NSD2: variants seen among roughly 807,000 people sequenced by gnomAD.
NSD2 encodes the protein histone-lysine N-methyltransferase NSD2.
Under a neutral mutation model 139.0 loss-of-function variants are expected in NSD2, and 12 were observed. The ratio of observed to expected loss-of-function variants is 0.09; its 90% CI spans 0.06 to 0.14. The LOEUF (loss-of-function observed/expected upper bound fraction) is 0.14, where lower values mean the gene tolerates loss of function less well. NSD2 is among the 10% of genes least tolerant of loss of function. NSD2 has a pLI of 1.00. For missense variants in NSD2, 1,155 were observed against 1,745.0 expected (o/e 0.66, Z 6.02); for synonymous variants, 669 against 648.7 (o/e 1.03, Z -0.48).
intron 12 of NSD2, 55 bp downstream of exon 12, chr4:1,953,579 G>T: frequency 1.3e-6 from 2 of 1,521,496 alleles, no homozygotes; most frequent in South Asian, 1.3e-5. Flanking sequence ...CCAGACGCAG[G>T]CCCATGGGCG....
rs758998043 is a variant in NSD2 at position 1,930,611 on chromosome 4, C to T, written c.1411-15C>T. On this transcript the variant is annotated splice_polypyrimidine_tract_variant and intron_variant, in intron 5 of 21. Transcript: ENST00000508803. Reference sequence around the variant, plus strand: ...CGGATTTAACTTCTCATTGCACCTTCTCCCGTTCCCACAGGTGGTAGCTGA... The same window carrying T: ...CGGATTTAACTTCTCATTGCACCTTTTCCCGTTCCCACAGGTGGTAGCTGA... 4 of 1,591,948 alleles carry T rather than the reference C, an allele frequency of 2.5e-6. No individual in the cohort carries two copies. The highest frequency in any genetic ancestry group is 1.7e-4 in the Middle Eastern group (1 of 5,988).
At chr4:1,889,151 G>A (rs2108694086) in intron 1 of NSD2, among the ~76,000 whole-genome samples, 1 of 152,104 alleles carries the variant, frequency 6.6e-6, no homozygotes, top group South Asian at 2.1e-4. Context: ...ACCCGCTTTG[G>A]CCTCCCAAAG....
chr4:1,949,270 G>T (rs533089521), intron 9 of NSD2, among the ~76,000 whole-genome samples: 1 of 152,374 alleles, frequency 6.6e-6, no homozygotes, highest in Non-Finnish European at 1.5e-5. Context: ...CAGTGACAGA[G>T]CCTTAAAGTG....
intron 18 of NSD2, among the ~76,000 whole-genome samples, chr4:1,961,567 T>A (rs1261694902): frequency 4.6e-5 from 7 of 152,254 alleles, no homozygotes; most frequent in African/African-American, 1.7e-4. Flanking sequence ...TCGTTTTTGC[T>A]TGGTTGTTGC....
intron 15 of NSD2, 89 bp from the exon 16 acceptor site, chr4:1,957,844 A>C (rs1233159394): frequency 7.4e-6 from 9 of 1,222,624 alleles, no homozygotes; most frequent in Non-Finnish European, 1.0e-5. Flanking sequence ...TAACATTGAA[A>C]GTTTAGAGTG....
chr4:1,945,358 T>G, intron 9 of NSD2: 1 of 1,065,274 alleles, frequency 9.4e-7, no homozygotes, highest in Non-Finnish European at 1.1e-6. Context: ...GCTGCTCCTG[T>G]GCTGCCCTGG....
Position 1,955,434 on chromosome 4 carries a change from T to C in NSD2, c.2518+94T>C. On this transcript the variant is annotated intron_variant, in intron 13 of 21. Transcript: ENST00000508803. This position sits in a 1 kb window ranked among gnomAD's most constrained non-coding sequence, Gnocchi z 4.7. ...TCATTCCTTGTCTGCGCTGTGTTCA[T>C]TGATGTTGACAGTGTTCTGTGCGTC... 1.3e-5 allele frequency: 19 copies of C among 1,451,130 alleles called. 1 individual carries two copies. The highest frequency in any genetic ancestry group is 1.7e-5 in the Non-Finnish European group (19 of 1,089,642). The allele number at this position is 1,451,130 out of a possible 1,614,324, so 89.9% of individuals were successfully genotyped here.
In NSD2 at chr4:1,935,216, A is replaced by G; in HGVS notation, c.1628A>G (p.Asp543Gly). The change falls in exon 7 of 22, where the codon GAC (aspartate) becomes GGC (glycine). Residue 543 changes from aspartate (D) to glycine (G), a missense_variant. Asp to Gly is a moderately conservative substitution (Grantham distance 94, BLOSUM62 -1). Coordinates refer to ENST00000508803, the MANE Select transcript of NSD2 (RefSeq NM_001042424.3). ...QDPTEDAEAE[D>G]TPRKRLRTDK... ...CCTACAGAAGATGCTGAAGCTGAGG[A>G]CACACCCAGGAAAAGACTCAGGACG... is the stretch of plus-strand genomic sequence containing the variant. 1.2e-6 allele frequency: 2 copies of G among 1,613,716 alleles called. No individual in the cohort carries two copies. Among genetic ancestry groups the G allele is most frequent in the Non-Finnish European group, 1.7e-6 (2 of 1,179,776 alleles).
At chr4:1,953,125 G>A (rs771696699) in intron 11 of NSD2, 199 bp from the exon 12 acceptor site, 71 of 1,535,896 alleles carry the variant, frequency 4.6e-5, no homozygotes, top group Non-Finnish European at 3.9e-5. Context: ...AGCTCAGATC[G>A]CAGCAAGGTA....
rs1045776566 is a variant in NSD2, at chr4:1,976,820, A to G, written c.3826+141A>G. 2.4e-6 allele frequency: 2 copies of G among 821,718 alleles called. No homozygotes were observed. Among genetic ancestry groups the G allele is most frequent in the Admixed American group, 2.9e-5 (1 of 34,686 alleles). 50.9% of individuals were successfully genotyped at this position (821,718 alleles called of 1,614,324 possible). The stretch of plus-strand genomic sequence containing the variant: ...GCTCATGCAGCGAAGGCCCTGATCC[A>G]GGGTGGCAGAGCCTTTCTTTGTTCC... On this transcript the variant is annotated intron_variant, in intron 21 of 21. Transcript: ENST00000508803. This position sits in a 1 kb window ranked among gnomAD's most constrained non-coding sequence, Gnocchi z 5.3.
At chr4:1,928,836 A>T (rs1029785460) in intron 5 of NSD2, among the ~76,000 whole-genome samples, 7 of 152,142 alleles carry the variant, frequency 4.6e-5, no homozygotes, top group African/African-American at 1.7e-4. Flanking sequence ...AGCCCTGTGC[A>T]GAAACTTCCA....
In NSD2 at chr4:1,955,203, G is replaced by A. The variant is rs1724683772; in HGVS notation, c.2381G>A (p.Ser794Asn). Residue 794 changes from serine (S) to asparagine (N), a missense_variant, in exon 13 of 22, where the codon AGC becomes AAC. Ser to Asn is a conservative substitution (Grantham distance 46). Around this residue, in one of 8 missense-constraint regions of NSD2, gnomAD observed 120 missense variants for 239.3 expected, o/e 0.50. Coordinates refer to ENST00000508803, the MANE Select transcript of NSD2 (RefSeq NM_001042424.3). This position sits in a 1 kb window ranked among gnomAD's most constrained non-coding sequence, Gnocchi z 4.7. Reference sequence around the variant, plus strand: ...GTCCGCTGCCCCGTTGCCTATCACAGCGGGGATGCTTGTCTGGCAGCAGGA... The same window carrying A: ...GTCCGCTGCCCCGTTGCCTATCACAACGGGGATGCTTGTCTGGCAGCAGGA... ...RCVRCPVAYH[S>N]GDACLAAGCS... 6.2e-7 allele frequency: 1 copy of A among 1,614,104 alleles called. No individual in the cohort carries two copies. The highest frequency in any genetic ancestry group is 8.5e-7 in the Non-Finnish European group (1 of 1,179,942).
At chr4:1,898,460 C>T (rs916209850) in intron 1 of NSD2, among the ~76,000 whole-genome samples, 38 of 152,122 alleles carry the variant, frequency 2.5e-4, no homozygotes, top group East Asian at 3.9e-4. Flanking sequence ...GTCAGGAGAT[C>T]GAGACCATCC....
In NSD2 at chr4:1,973,587, G is replaced by GT. The variant is rs1183771217; in HGVS notation, c.3373-1275dup. On this transcript the variant is annotated intron_variant, in intron 18 of 21. Transcript: ENST00000508803. The surrounding 1 kb of genome is among the most constrained non-coding windows in gnomAD (Gnocchi z 5.5). ...GCATCTTGCAGAGAACCACATTCTG[G>GT]TACCATTTCTGGTTTTAAAGGGTGG... Among the ~76,000 whole-genome samples, 6 of 152,246 alleles carry GT rather than the reference G, an allele frequency of 3.9e-5. No individual in the cohort carries two copies. The highest frequency in any genetic ancestry group is 7.3e-5 in the Non-Finnish European group (5 of 68,042).
intron 6 of NSD2, among the ~76,000 whole-genome samples, chr4:1,933,643 C>G (rs895528379): frequency 5.3e-5 from 8 of 152,166 alleles, no homozygotes; most frequent in African/African-American, 1.9e-4. Context: ...ATCCACCCAC[C>G]TCGGCCTCCC....
chr4:1,942,206 G>A lies in NSD2; in HGVS notation c.1881+2428G>A. ...TGGTACTACATCACCCTGAGGAAGA[G>A]AATAAATTAAAATTACACACTTGCA... is the stretch of plus-strand genomic sequence containing the variant. On this transcript the variant is annotated intron_variant, in intron 9 of 21. Coordinates refer to ENST00000508803, the MANE Select transcript of NSD2 (RefSeq NM_001042424.3). The surrounding 1 kb of genome is among the most constrained non-coding windows in gnomAD (Gnocchi z 4.0). The A allele has an allele frequency of 6.8e-7, 1 of 1,479,922 alleles. No homozygotes were observed. Among genetic ancestry groups the A allele is most frequent in the Non-Finnish European group, 8.9e-7 (1 of 1,118,980 alleles). 91.7% of individuals were successfully genotyped at this position (1,479,922 alleles called of 1,614,324 possible). A position where few individuals can be genotyped will look rare whatever the true frequency, so the allele number is the denominator to read the frequency against.
At chr4:1,952,269 G>C in intron 11 of NSD2, 38 bp downstream of exon 11, 1 of 1,609,536 alleles carries the variant, frequency 6.2e-7, no homozygotes, top group Non-Finnish European at 8.5e-7. Context: ...CAGCCTGGCC[G>C]GCCACCTGCT....
chr4:1,962,818 A>G (rs1725503724), intron 18 of NSD2, among the ~76,000 whole-genome samples: 1 of 152,174 alleles, frequency 6.6e-6, no homozygotes, highest in African/African-American at 2.4e-5. Context: ...CTACAGGAAC[A>G]TGCCACCACA....
rs1423726760 is a variant in NSD2 at position 1,976,499 on chromosome 4, G to A, written c.3646G>A (p.Glu1216Lys). 11 of 1,613,680 alleles carry A rather than the reference G, an allele frequency of 6.8e-6. No homozygotes were observed. The highest frequency in any genetic ancestry group is 1.7e-5 in the Admixed American group (1 of 59,918). The change falls in exon 21 of 22, where the codon GAA becomes AAA. Residue 1216 changes from glutamate (E) to lysine (K), a missense_variant. Glu to Lys is a moderately conservative substitution (Grantham distance 56). Coordinates refer to ENST00000508803, the MANE Select transcript of NSD2 (RefSeq NM_001042424.3). This position sits in a 1 kb window ranked among gnomAD's most constrained non-coding sequence, Gnocchi z 5.3. ...PKTSTTLSSE[E>K]KGKKTKKKTR... ...GACCTCGACGACCCTTTCATCAGAGGAAAAGGGCAAAAAGACCAAGAAGAA... is the reference window on the plus strand; with the variant it reads ...GACCTCGACGACCCTTTCATCAGAGAAAAAGGGCAAAAAGACCAAGAAGAA...
Sources: allele counts gnomAD v4.1 joint callset (sites outside exome capture counted in the v4.1 genomes callset), GRCh38; gene constraint gnomAD v4.1.1; regional missense constraint gnomAD v4.1.1; non-coding constraint Gnocchi (gnomAD v3.1); transcripts MANE v1.5; gene names NCBI Gene and HGNC (gene_info 2026-07-23, HGNC 2026-07-21).